CHST13: variants seen among roughly 807,000 people sequenced by gnomAD.
CHST13 encodes C4ST-3.
Under a neutral mutation model 7.0 loss-of-function variants are expected in CHST13, and 1 was observed. That is an observed-to-expected ratio of 0.14 (90% CI 0.05 to 0.68). The LOEUF (loss-of-function observed/expected upper bound fraction) is 0.68. CHST13 is among the 30% of genes least tolerant of loss of function. The pLI, the probability that CHST13 is intolerant of heterozygous loss-of-function variation, is 0.82. For synonymous variants in CHST13, 257 were observed against 240.9 expected (o/e 1.07, Z -0.62); for missense variants, 572 against 507.9 (o/e 1.13, Z -1.21).
At chr3:126,532,370 G>A (rs2087599) in intron 1 of CHST13, among the ~76,000 whole-genome samples, 3,477 of 152,188 alleles carry the variant, frequency 0.023, 56 homozygotes, top group South Asian at 0.044. Flanking sequence ...GATTTATGTC[G>A]GTGTTTTCAC....
chr3:126,529,553 A>C (rs1248969724), intron 1 of CHST13, among the ~76,000 whole-genome samples: 7 of 152,250 alleles, frequency 4.6e-5, no homozygotes, highest in Admixed American at 4.6e-4. Context: ...CCCCTCTGTC[A>C]AGTGGGATAA....
chr3:126,524,170 G>C lies in CHST13; in HGVS notation c.-163G>C. The C allele has an allele frequency of 2.4e-6, 1 of 410,856 alleles. No homozygotes were observed. Among genetic ancestry groups the C allele is most frequent in the Admixed American group, 4.8e-5 (1 of 20,986 alleles). 25.5% of individuals were successfully genotyped at this position (410,856 alleles called of 1,614,324 possible). A position where few individuals can be genotyped will look rare whatever the true frequency, so the allele number is the denominator to read the frequency against. Reference sequence around the variant, plus strand: ...CCGCCTCCTCAGTCCCCAGCGACTCGCAGGGGCTGGTGGGGCTGGGGTCCA... The same window carrying C: ...CCGCCTCCTCAGTCCCCAGCGACTCCCAGGGGCTGGTGGGGCTGGGGTCCA... On this transcript the variant is annotated 5_prime_UTR_variant, in exon 1 of 3. Coordinates refer to ENST00000319340, the MANE Select transcript of CHST13 (RefSeq NM_152889.3).
chr3:126,524,846 G>T (rs78318817), intron 1 of CHST13, among the ~76,000 whole-genome samples: 1 of 152,196 alleles, frequency 6.6e-6, no homozygotes, highest in South Asian at 2.1e-4. Context: ...CACTCGGTCC[G>T]GTCCCTTGGT....
chr3:126,533,577 TTGGTCA>T (rs1936703149), intron 1 of CHST13, among the ~76,000 whole-genome samples: 1 of 152,246 alleles, frequency 6.6e-6, no homozygotes. Context: ...TCCATCCTAC[TTGGTCA>T]TGGTGTATAA....
Position 126,541,875 on chromosome 3 carries a change from TC to T in CHST13, c.324del (p.Tyr109ThrfsTer19). 1 of 1,598,846 alleles carries T rather than the reference TC, an allele frequency of 6.3e-7. No homozygotes were observed. The highest frequency in any genetic ancestry group is 8.5e-7 in the Non-Finnish European group (1 of 1,173,344). ...CTGGTGGACGACGCGCATGGCCTGC[TC>T]TACTGCTACGTGCCCAAGGTGGCCT... ...HVLVDDAHGL[L>X]YCYVPKVACT... On this transcript the variant is annotated frameshift_variant, in exon 3 of 3. Coordinates refer to ENST00000319340, the MANE Select transcript of CHST13 (RefSeq NM_152889.3). LOFTEE classifies it low-confidence loss of function (END_TRUNC).
chr3:126,542,232 A>G lies in CHST13; in HGVS notation c.680A>G (p.Glu227Gly). 2.6e-6 allele frequency: 4 copies of G among 1,511,100 alleles called. No individual in the cohort carries two copies. The African/African-American group carries it at 4.3e-5, about 16-fold the overall frequency. 93.6% of individuals were successfully genotyped at this position (1,511,100 alleles called of 1,614,324 possible). Reference sequence around the variant, plus strand: ...CGCGGCCACGACGTGCGCTTCGCGGAGTTCCTGGCCTACCTGCTGGACCCG... The same window carrying G: ...CGCGGCCACGACGTGCGCTTCGCGGGGTTCCTGGCCTACCTGCTGGACCCG... ...RARGHDVRFAEFLAYLLDPRT... is the reference protein window; with the variant it reads ...RARGHDVRFAGFLAYLLDPRT... The change falls in exon 3 of 3, where the codon GAG (glutamate) becomes GGG (glycine). Residue 227 changes from glutamate to glycine, a missense_variant. By Grantham distance (98) the Glu-to-Gly change is moderately conservative. Transcript: ENST00000319340.
At chr3:126,534,730 C>T (rs1254869151) in intron 1 of CHST13, among the ~76,000 whole-genome samples, 2 of 149,422 alleles carry the variant, frequency 1.3e-5, no homozygotes, top group Non-Finnish European at 3.0e-5. Context: ...GACAGACAGA[C>T]AGCATCCCTG....
At position 126,542,448 on chromosome 3, in the gene CHST13, C is replaced by T. The variant is rs1936985789; in HGVS notation, c.896C>T (p.Ala299Val). 2 of 1,564,164 alleles carry T rather than the reference C, an allele frequency of 1.3e-6. No homozygotes were observed. Among genetic ancestry groups the T allele is most frequent in the Admixed American group, 1.9e-5 (1 of 53,376 alleles). Residue 299 changes from alanine (A) to valine (V), a missense_variant, in exon 3 of 3, where the codon GCC (alanine) becomes GTC (valine). Ala to Val is a moderately conservative substitution (Grantham distance 64). Coordinates refer to ENST00000319340, the MANE Select transcript of CHST13 (RefSeq NM_152889.3). Reference sequence around the variant, plus strand: ...CCGCCGCGGCCCCGGGGAGCCGCCGCCTCCCGCGACCTGGCAGCGCGCCTC... The same window carrying T: ...CCGCCGCGGCCCCGGGGAGCCGCCGTCTCCCGCGACCTGGCAGCGCGCCTC... ...PGPPRPRGAA[A>V]SRDLAARLFR...
At chr3:126,529,989 C>T (rs1317816718) in intron 1 of CHST13, among the ~76,000 whole-genome samples, 2 of 152,354 alleles carry the variant, frequency 1.3e-5, no homozygotes, top group East Asian at 3.9e-4. Context: ...GTACAGAGGA[C>T]ACAGACAAGG....
chr3:126,540,984 G>A (rs1936945843), intron 2 of CHST13, among the ~76,000 whole-genome samples: 1 of 152,212 alleles, frequency 6.6e-6, no homozygotes, highest in African/African-American at 2.4e-5. Context: ...TAATCTTGGA[G>A]ATAAGAACCC....
intron 1 of CHST13, among the ~76,000 whole-genome samples, chr3:126,525,958 G>A (rs1186017554): frequency 6.6e-6 from 1 of 152,188 alleles, no homozygotes; most frequent in Middle Eastern, 3.2e-3. Flanking sequence ...GCAGGTGTTA[G>A]GAGGACGGCT....
chr3:126,532,278 A>G (rs1936675525), intron 1 of CHST13, among the ~76,000 whole-genome samples: 1 of 152,188 alleles, frequency 6.6e-6, no homozygotes, highest in Non-Finnish European at 1.5e-5. Context: ...ATGTAGTTCA[A>G]TTTATCTATT....
Position 126,536,749 on chromosome 3 carries a change from A to G in CHST13, c.180+396A>G, listed in dbSNP as rs1936800187. Reference sequence around the variant, plus strand: ...GGCGTGATTCTCAAACAGATGGACCAGGCGGGGCTGGCTGGCCCACACACC... The same window carrying G: ...GGCGTGATTCTCAAACAGATGGACCGGGCGGGGCTGGCTGGCCCACACACC... On this transcript the variant is annotated intron_variant, in intron 2 of 2. Transcript: ENST00000319340. 2.0e-5 allele frequency among the ~76,000 whole-genome samples: 3 copies of G among 151,920 alleles called. No individual in the cohort carries two copies. In the South Asian group the frequency reaches 6.3e-4, roughly 32 times the overall value.
chr3:126,535,083 C>T (rs66662094), intron 1 of CHST13, among the ~76,000 whole-genome samples: 25,008 of 102,028 alleles, frequency 0.25, 4,544 homozygotes, highest in Admixed American at 0.28. Context: ...ATCCCTGTCC[C>T]CAGCCGGGAG....
chr3:126,541,045 GC>G (rs1252204691), intron 2 of CHST13, among the ~76,000 whole-genome samples: 1 of 152,212 alleles, frequency 6.6e-6, no homozygotes, highest in Non-Finnish European at 1.5e-5. Context: ...GCATGGAAGC[GC>G]TGGCCTGGGT....
chr3:126,525,800 G>C (rs1215112147), intron 1 of CHST13, among the ~76,000 whole-genome samples: 1 of 152,144 alleles, frequency 6.6e-6, no homozygotes, highest in Non-Finnish European at 1.5e-5. Flanking sequence ...TGGAGTGTCT[G>C]CGTCCCCATG....
chr3:126,539,246 G>GT (rs1463884425), intron 2 of CHST13, among the ~76,000 whole-genome samples: 1 of 152,094 alleles, frequency 6.6e-6, no homozygotes, highest in African/African-American at 2.4e-5. Context: ...ATGTCTGAAC[G>GT]TATCTCTAAA....
chr3:126,541,980 C>T lies in CHST13; in HGVS notation c.428C>T (p.Ala143Val). Residue 143 changes from alanine to valine, a missense_variant, in exon 3 of 3, where the codon GCG (alanine) becomes GTG (valine). Coordinates refer to ENST00000319340, the MANE Select transcript of CHST13 (RefSeq NM_152889.3). ...GDPRAISAQE[A>V]HAPGRLPSLA... ...CCGCGCGCCATCTCCGCGCAAGAGG[C>T]GCACGCGCCTGGCCGCCTGCCCTCA... The T allele has an allele frequency of 6.4e-7, 1 of 1,570,422 alleles. No homozygotes were observed.
intron 2 of CHST13, among the ~76,000 whole-genome samples, chr3:126,536,903 AC>A (rs1936806512): frequency 1.4e-5 from 2 of 145,766 alleles, no homozygotes; most frequent in African/African-American, 5.0e-5. Flanking sequence ...ACAAACACAC[AC>A]ACACACACAC....
Sources: gnomAD v4.1 joint callset for allele counts (sites outside exome capture counted in the v4.1 genomes callset) on GRCh38, gnomAD v4.1.1 for gene constraint, MANE v1.5 for transcripts, NCBI Gene and HGNC (gene_info 2026-07-23, HGNC 2026-07-21) for gene names.